Variants in ARHGAP15 observed in about 807,000 individuals in gnomAD.
The protein encoded by ARHGAP15 is Rho GTPase activating protein 15.
ARHGAP15 carries 51 observed loss-of-function variants against 63.7 expected under a neutral mutation model. That is an observed-to-expected ratio of 0.80 (90% CI 0.64 to 1.01). The LOEUF (loss-of-function observed/expected upper bound fraction) is 1.01. ARHGAP15 is among the 50% of genes least tolerant of loss of function. The pLI is 0.00. For missense variants in ARHGAP15, 560 were observed against 564.6 expected (o/e 0.99, Z 0.08); for synonymous variants, 191 against 193.8 (o/e 0.99, Z 0.12).
chr2:143,428,989 C>G (rs2105072335), intron 6 of ARHGAP15, among the ~76,000 whole-genome samples: 1 of 152,062 alleles, frequency 6.6e-6, no homozygotes, highest in South Asian at 2.1e-4. Context: ...AAATTAAGAG[C>G]AATAAAAGTC....
intron 2 of ARHGAP15, among the ~76,000 whole-genome samples, chr2:143,178,408 T>A (rs137860631): frequency 6.6e-6 from 1 of 152,200 alleles, no homozygotes; most frequent in Non-Finnish European, 1.5e-5. Flanking sequence ...TGAGAAGTTA[T>A]CAGTTTTAAA....
At chr2:143,166,762 T>G (rs1690555408) in intron 2 of ARHGAP15, among the ~76,000 whole-genome samples, 1 of 152,174 alleles carries the variant, frequency 6.6e-6, no homozygotes, top group African/African-American at 2.4e-5. Flanking sequence ...AACTTCAAAT[T>G]ATAAGAATTC....
chr2:143,367,775 T>G (rs925272178), intron 6 of ARHGAP15, among the ~76,000 whole-genome samples: 2 of 152,146 alleles, frequency 1.3e-5, no homozygotes, highest in East Asian at 3.9e-4. Flanking sequence ...CACTGTGTAT[T>G]TGTCACAAAC....
intron 6 of ARHGAP15, among the ~76,000 whole-genome samples, chr2:143,391,382 C>T (rs1287681597): frequency 1.3e-5 from 2 of 151,992 alleles, no homozygotes; most frequent in African/African-American, 2.4e-5. Context: ...GATTCATGTC[C>T]ATGTGATACC....
chr2:143,692,956 T>G (rs909202257), intron 12 of ARHGAP15, among the ~76,000 whole-genome samples: 16 of 152,162 alleles, frequency 1.1e-4, no homozygotes, highest in African/African-American at 3.9e-4. Flanking sequence ...TGGAGTCATT[T>G]GAGAAAAATA....
At chr2:143,232,789 T>C (rs1321583460) in intron 5 of ARHGAP15, among the ~76,000 whole-genome samples, 1 of 152,180 alleles carries the variant, frequency 6.6e-6, no homozygotes, top group African/African-American at 2.4e-5. Flanking sequence ...AAATATAATT[T>C]AGGTGTTTTT....
intron 13 of ARHGAP15, chr2:143,704,054 G>A (rs1208092193): frequency 1.3e-5 from 2 of 148,368 alleles, no homozygotes; most frequent in Admixed American, 6.7e-5. Context: ...AAGCCCCTAA[G>A]AGCTGGAAGT....
chr2:143,553,893 C>T (rs1402430545), intron 10 of ARHGAP15, among the ~76,000 whole-genome samples: 1 of 152,086 alleles, frequency 6.6e-6, no homozygotes, highest in Non-Finnish European at 1.5e-5. Flanking sequence ...AGAGTGCTAA[C>T]TTCAAAATCA....
In ARHGAP15 at chr2:143,297,417, A is replaced by G. The variant is rs1393320716; in HGVS notation, c.474+46817A>G. ...TGTAGCAGCCCACAGTGCAAATGTCATCTTGATAACTCTCTGCTGGGTGGC... is the reference window on the plus strand; with the variant it reads ...TGTAGCAGCCCACAGTGCAAATGTCGTCTTGATAACTCTCTGCTGGGTGGC... On this transcript the variant is annotated intron_variant, in intron 6 of 13. Transcript: ENST00000295095. Among the ~76,000 whole-genome samples the G allele has an allele frequency of 3.3e-5, 5 of 151,984 alleles. No homozygotes were observed. In the East Asian group the frequency reaches 9.7e-4, roughly 29 times the overall value.
intron 6 of ARHGAP15, among the ~76,000 whole-genome samples, chr2:143,281,229 T>C (rs1269031694): frequency 6.6e-6 from 1 of 152,142 alleles, no homozygotes; most frequent in Non-Finnish European, 1.5e-5. Flanking sequence ...GAAGACAATT[T>C]AAAATGTGGA....
At chr2:143,130,712 A>T (rs1222318973) in intron 1 of ARHGAP15, among the ~76,000 whole-genome samples, 1 of 152,162 alleles carries the variant, frequency 6.6e-6, no homozygotes, top group Non-Finnish European at 1.5e-5. Context: ...TCACAGAAAA[A>T]TAGAGATTAG....
chr2:143,282,181 T>C (rs1034823963), intron 6 of ARHGAP15, among the ~76,000 whole-genome samples: 1 of 152,078 alleles, frequency 6.6e-6, no homozygotes, highest in African/African-American at 2.4e-5. Flanking sequence ...TAGACTTTAA[T>C]CTGCCCTCGT....
At chr2:143,620,750 C>T (rs1698616506) in intron 11 of ARHGAP15, among the ~76,000 whole-genome samples, 1 of 152,208 alleles carries the variant, frequency 6.6e-6, no homozygotes, top group South Asian at 2.1e-4. Flanking sequence ...TTCCTCATTC[C>T]TTGCTGAAAG....
intron 6 of ARHGAP15, among the ~76,000 whole-genome samples, chr2:143,329,660 T>A (rs892238677): frequency 2.6e-5 from 4 of 152,162 alleles, no homozygotes; most frequent in African/African-American, 7.2e-5. Context: ...GGTGGCAATT[T>A]GTTACACAGC....
chr2:143,314,591 C>T (rs1318338910), intron 6 of ARHGAP15: 1 of 152,072 alleles, frequency 6.6e-6, no homozygotes, highest in Non-Finnish European at 1.5e-5. Flanking sequence ...ATAAATGAAA[C>T]TTCCTGGTTT....
intron 13 of ARHGAP15, among the ~76,000 whole-genome samples, chr2:143,744,101 T>C (rs564835853): frequency 1.3e-5 from 2 of 152,326 alleles, no homozygotes; most frequent in African/African-American, 4.8e-5. Context: ...TGATGTATGA[T>C]GTTCACTTGG....
chr2:143,484,733 A>T (rs998637427), intron 8 of ARHGAP15, among the ~76,000 whole-genome samples: 2 of 152,186 alleles, frequency 1.3e-5, no homozygotes, highest in African/African-American at 4.8e-5. Flanking sequence ...TAAAAAGCAA[A>T]AAGAAACAAT....
At chr2:143,158,900 G>T (rs1690185694) in intron 2 of ARHGAP15, among the ~76,000 whole-genome samples, 1 of 151,956 alleles carries the variant, frequency 6.6e-6, no homozygotes, top group South Asian at 2.1e-4. Flanking sequence ...GTTTAATGTG[G>T]CTTTGATGTT....
intron 2 of ARHGAP15, among the ~76,000 whole-genome samples, chr2:143,161,693 G>A (rs758488476): frequency 5.9e-5 from 9 of 151,870 alleles, no homozygotes; most frequent in Non-Finnish European, 8.8e-5. Flanking sequence ...AGGGGGAAAT[G>A]AACTAGTGGA....
Sources: allele counts gnomAD v4.1 joint callset (sites outside exome capture counted in the v4.1 genomes callset), GRCh38; gene constraint gnomAD v4.1.1; transcripts MANE v1.5; gene names NCBI Gene and HGNC (gene_info 2026-07-23, HGNC 2026-07-21).